Variants in CEP57L1 observed in about 807,000 individuals in gnomAD.
The protein encoded by CEP57L1 is centrosomal protein 57 like 1, also known as centrosomal protein CEP57L1.
In CEP57L1, 37 loss-of-function variants were observed where a neutral mutation model predicts 61.0. The observed-to-expected ratio is 0.61, with a 90% confidence interval of 0.47 to 0.80. CEP57L1 has a LOEUF of 0.80. CEP57L1 is among the 30% of genes least tolerant of loss of function. The pLI is 0.00. For missense variants in CEP57L1, 422 were observed against 524.7 expected, an observed-to-expected ratio of 0.80 and a Z score of 1.91; for synonymous variants, 137 against 162.3, an observed-to-expected ratio of 0.84 and a Z score of 1.19.
Position 109,150,041 on chromosome 6 carries a change from G to A in CEP57L1, c.341-77G>A, listed in dbSNP as rs567882668. On this transcript the variant is annotated intron_variant, in intron 3 of 10. Transcript: ENST00000517392. The stretch of plus-strand genomic sequence containing the variant: ...TGGGCTGAGACAATGGGGTTTTCTA[G>A]ATATACAATCATGTCATCTGCAAAC... 30 of 817,310 alleles carry A rather than the reference G, an allele frequency of 3.7e-5. No individual in the cohort carries two copies. The South Asian group carries it at 3.8e-4, about 10-fold the overall frequency. 50.6% of individuals were successfully genotyped at this position (817,310 alleles called of 1,614,324 possible). A position where few individuals can be genotyped will look rare whatever the true frequency, so the allele number is the denominator to read the frequency against.
chr6:109,124,734 C>T (rs1773353411), intron 1 of CEP57L1, among the ~76,000 whole-genome samples: 1 of 152,144 alleles, frequency 6.6e-6, no homozygotes, highest in Admixed American at 6.6e-5. Context: ...AATGCCAAAG[C>T]TTGCCTAGTT....
chr6:109,161,941 A>G (rs182409262), intron 10 of CEP57L1, among the ~76,000 whole-genome samples: 119 of 152,252 alleles, frequency 7.8e-4, no homozygotes, highest in Non-Finnish European at 1.5e-3. Context: ...AATTAGACCT[A>G]TGCTCAAGTG....
chr6:109,099,738 CAG>C (rs1180552885), intron 1 of CEP57L1, among the ~76,000 whole-genome samples: 1 of 152,000 alleles, frequency 6.6e-6, no homozygotes, highest in Non-Finnish European at 1.5e-5. Flanking sequence ...TTAGTAGAGA[CAG>C]GGTTTCACCA....
At chr6:109,161,921 C>G (rs1246993059) in intron 10 of CEP57L1, among the ~76,000 whole-genome samples, 2 of 152,058 alleles carry the variant, frequency 1.3e-5, no homozygotes, top group Admixed American at 1.3e-4. Flanking sequence ...AAGTCTGGAT[C>G]AGCTCTACAA....
chr6:109,122,736 G>A (rs1184145132), intron 1 of CEP57L1, among the ~76,000 whole-genome samples: 1 of 152,112 alleles, frequency 6.6e-6, no homozygotes, highest in Admixed American at 6.6e-5. Context: ...CAACCCGGGA[G>A]GCGTAGGTTG....
chr6:109,142,314 A>G (rs761238441), intron 1 of CEP57L1, among the ~76,000 whole-genome samples: 35 of 152,190 alleles, frequency 2.3e-4, no homozygotes, highest in Non-Finnish European at 3.5e-4. Flanking sequence ...CTTGGCAGAG[A>G]CATGGATGGA....
intron 1 of CEP57L1, among the ~76,000 whole-genome samples, chr6:109,105,756 A>G (rs545163719): frequency 3.9e-5 from 6 of 152,042 alleles, no homozygotes; most frequent in Admixed American, 2.0e-4. Context: ...GGGATCCCCA[A>G]CCCTCGGGCC....
rs1013582997 is a variant in CEP57L1, at chr6:109,171,003, C to T, written c.*8033C>T. On this transcript the variant is annotated 3_prime_UTR_variant, in exon 11 of 11. Transcript: ENST00000517392. ...TTATTCTATTTTATGTATATAACTT[C>T]TCCTTTATAAGCTTAGAAAAATTTA... Among the ~76,000 whole-genome samples the T allele has an allele frequency of 6.6e-6, 1 of 152,254 alleles. No homozygotes were observed. The highest frequency in any genetic ancestry group is 1.5e-5 in the Non-Finnish European group (1 of 68,016).
rs1474857380 is a variant in CEP57L1 at position 109,173,784 on chromosome 6, A to ATT, written c.*10816_*10817dup. Among the ~76,000 whole-genome samples, 1 of 151,658 alleles carries ATT rather than the reference A, an allele frequency of 6.6e-6. No homozygotes were observed. The highest frequency in any genetic ancestry group is 1.5e-5 in the Non-Finnish European group (1 of 67,950). On this transcript the variant is annotated 3_prime_UTR_variant, in exon 11 of 11. Coordinates refer to ENST00000517392, the MANE Select transcript of CEP57L1 (RefSeq NM_001271852.3). The stretch of plus-strand genomic sequence containing the variant: ...AAATAGAAATCAGTCACATGCTATG[A>ATT]TTTCAATATGTCACTCAAAAGCCAT...
At chr6:109,136,240 A>C (rs572638236) in intron 1 of CEP57L1, among the ~76,000 whole-genome samples, 1 of 152,350 alleles carries the variant, frequency 6.6e-6, no homozygotes, top group Non-Finnish European at 1.5e-5. Flanking sequence ...CAGCCATAAA[A>C]AAGGATGAGT....
intron 10 of CEP57L1, 163 bp downstream of exon 10, chr6:109,160,879 T>C: frequency 1.8e-6 from 1 of 566,496 alleles, no homozygotes; most frequent in South Asian, 4.0e-5. Context: ...ATCTGTCCCA[T>C]TGGAATAACA....
chr6:109,140,015 T>C (rs772059112), intron 1 of CEP57L1, among the ~76,000 whole-genome samples: 6 of 152,222 alleles, frequency 3.9e-5, no homozygotes, highest in Admixed American at 3.9e-4. Flanking sequence ...AGGATTTGAA[T>C]TGAGGTCCAG....
At chr6:109,116,121 TG>T (rs1344359298) in intron 1 of CEP57L1, among the ~76,000 whole-genome samples, 1,414 of 126,668 alleles carry the variant, frequency 0.011, 29 homozygotes, top group African/African-American at 0.043. Context: ...TTTTATGTTA[TG>T]TGTTGTGTTA....
chr6:109,159,512 T>A (rs1392228492), intron 9 of CEP57L1, 50 bp downstream of exon 9: 8 of 1,543,702 alleles, frequency 5.2e-6, no homozygotes, highest in Non-Finnish European at 7.1e-6. Context: ...TCTCGCTATG[T>A]TGCCCAGGCT....
At position 109,173,628 on chromosome 6, in the gene CEP57L1, G is replaced by A. The variant is rs1307549323; in HGVS notation, c.*10658G>A. On this transcript the variant is annotated 3_prime_UTR_variant, in exon 11 of 11. Coordinates refer to ENST00000517392, the MANE Select transcript of CEP57L1 (RefSeq NM_001271852.3). The stretch of plus-strand genomic sequence containing the variant: ...AAAAAATTTTTTTTTTTGAGGAGAC[G>A]CGGTCTCACTTTGCTGCCCAGGCTG... Among the ~76,000 whole-genome samples the A allele has an allele frequency of 1.3e-5, 2 of 149,170 alleles. No homozygotes were observed. Among genetic ancestry groups the A allele is most frequent in the Admixed American group, 6.7e-5 (1 of 14,970 alleles).
At chr6:109,113,625 T>A (rs1562508592) in intron 1 of CEP57L1, among the ~76,000 whole-genome samples, 1 of 152,176 alleles carries the variant, frequency 6.6e-6, no homozygotes. Context: ...TTATTTTATG[T>A]ATCACAAAGA....
chr6:109,137,417 T>C (rs988257651), intron 1 of CEP57L1, among the ~76,000 whole-genome samples: 1 of 152,118 alleles, frequency 6.6e-6, no homozygotes, highest in Non-Finnish European at 1.5e-5. Context: ...TTCTCCTGCC[T>C]CAGCCTCCTG....
At chr6:109,117,311 A>AT (rs1772421902) in intron 1 of CEP57L1, among the ~76,000 whole-genome samples, 2 of 152,324 alleles carry the variant, frequency 1.3e-5, no homozygotes, top group Admixed American at 1.3e-4. Flanking sequence ...GCCTTTGACT[A>AT]TACCTTTTGG....
chr6:109,098,596 A>G (rs1018241274), intron 1 of CEP57L1, among the ~76,000 whole-genome samples: 1 of 151,268 alleles, frequency 6.6e-6, no homozygotes, highest in Admixed American at 6.6e-5. Flanking sequence ...CAACAAGCCC[A>G]GCTAATTTTG....
Sources: gnomAD v4.1 joint callset for allele counts (sites outside exome capture counted in the v4.1 genomes callset) on GRCh38, gnomAD v4.1.1 for gene constraint, MANE v1.5 for transcripts, NCBI Gene and HGNC (gene_info 2026-07-23, HGNC 2026-07-21) for gene names.